Variants in AFF3 observed in about 807,000 individuals in gnomAD.
AFF3 encodes the protein AF4/FMR2 family member 3.
AFF3 carries 32 observed loss-of-function variants against 129.7 expected under a neutral mutation model. The ratio of observed to expected loss-of-function variants is 0.25; its 90% confidence interval spans 0.19 to 0.33. AFF3 has a LOEUF of 0.33. AFF3 is among the 10% of genes least tolerant of loss of function. AFF3 has a pLI of 1.00. For synonymous variants in AFF3, 644 were observed against 635.4 expected, an observed-to-expected ratio of 1.01 and a Z score of -0.20; for missense variants, 1,373 against 1,592.0, an observed-to-expected ratio of 0.86 and a Z score of 2.34.
At chr2:100,124,614 G>A (rs1178787301) in intron 2 of AFF3, among the ~76,000 whole-genome samples, 3 of 151,364 alleles carry the variant, frequency 2.0e-5, no homozygotes, top group African/African-American at 7.3e-5. Context: ...TTTACAACAT[G>A]GCAATTGCAT....
intron 8 of AFF3, 89 bp from the exon 9 acceptor site, chr2:99,752,390 C>T: frequency 9.3e-7 from 1 of 1,074,164 alleles, no homozygotes; most frequent in Admixed American, 2.0e-5. Context: ...AGTGGGCCTT[C>T]ATAAGGCAGG....
At chr2:99,950,999 C>A (rs570852910) in intron 7 of AFF3, among the ~76,000 whole-genome samples, 6 of 152,128 alleles carry the variant, frequency 3.9e-5, no homozygotes, top group Non-Finnish European at 7.3e-5. Flanking sequence ...TAATATGAAT[C>A]CACTGAAAAT....
intron 7 of AFF3, among the ~76,000 whole-genome samples, chr2:99,918,114 C>T (rs924605622): frequency 3.3e-5 from 5 of 152,094 alleles, no homozygotes; most frequent in Non-Finnish European, 7.4e-5. Context: ...AAGAAACTCT[C>T]TCGCTTATTA....
chr2:100,005,411 G>C (rs774745002), intron 7 of AFF3, among the ~76,000 whole-genome samples: 1 of 152,172 alleles, frequency 6.6e-6, no homozygotes. Context: ...GTAAAAGTCA[G>C]TCACCACTGC....
chr2:100,111,063 C>T (rs1691495110), intron 2 of AFF3, among the ~76,000 whole-genome samples: 1 of 152,188 alleles, frequency 6.6e-6, no homozygotes, highest in African/African-American at 2.4e-5. Flanking sequence ...CTAAAGTTGG[C>T]AAGTCTGAAG....
Position 99,986,970 on chromosome 2 carries a change from G to T in AFF3, c.873+19662C>A, listed in dbSNP as rs551349480. Among the ~76,000 whole-genome samples, 10 of 152,288 alleles carry T rather than the reference G, an allele frequency of 6.6e-5. No individual in the cohort carries two copies. The South Asian group carries it at 2.1e-3, about 32-fold the overall frequency. The stretch of plus-strand genomic sequence containing the variant: ...ATAAAACATGCAGGGTGCTCTACAG[G>T]CTCTTTCATCCTAGTTAGGTCTTTG... On this transcript the variant is annotated intron_variant, in intron 7 of 24. Coordinates refer to ENST00000672756, the MANE Select transcript of AFF3 (RefSeq NM_001386135.1).
At chr2:100,039,800 C>A (rs1451065361) in intron 4 of AFF3, among the ~76,000 whole-genome samples, 1 of 152,160 alleles carries the variant, frequency 6.6e-6, no homozygotes. Context: ...CTCTTGGAAA[C>A]AGTCCCTGAG....
At chr2:99,874,591 T>A (rs1290812696) in intron 7 of AFF3, among the ~76,000 whole-genome samples, 1 of 152,172 alleles carries the variant, frequency 6.6e-6, no homozygotes, top group Non-Finnish European at 1.5e-5. Flanking sequence ...AATAAAAACT[T>A]GTGTGATTTT....
chr2:99,779,151 T>C (rs941719538), intron 8 of AFF3, among the ~76,000 whole-genome samples: 2 of 152,154 alleles, frequency 1.3e-5, no homozygotes, highest in African/African-American at 4.8e-5. Context: ...TTAAGCATGA[T>C]GTTAGCTGTG....
chr2:100,123,639 A>G (rs1692070615), intron 2 of AFF3, among the ~76,000 whole-genome samples: 1 of 152,178 alleles, frequency 6.6e-6, no homozygotes, highest in East Asian at 1.9e-4. Context: ...AGGCCTCCTC[A>G]TTTTGACTCT....
At chr2:100,126,550 T>C (rs778965235) in intron 2 of AFF3, among the ~76,000 whole-genome samples, 2 of 152,204 alleles carry the variant, frequency 1.3e-5, no homozygotes, top group Non-Finnish European at 2.9e-5. Flanking sequence ...AGCAGTAATT[T>C]ACTCAATGAC....
intron 14 of AFF3, among the ~76,000 whole-genome samples, chr2:99,596,502 G>T (rs1457772840): frequency 6.6e-6 from 1 of 151,766 alleles, no homozygotes; most frequent in Non-Finnish European, 1.5e-5. Context: ...CTAGACAAAT[G>T]GGACACAGTA....
At chr2:100,045,865 T>C (rs1261989511) in intron 4 of AFF3, among the ~76,000 whole-genome samples, 2 of 152,232 alleles carry the variant, frequency 1.3e-5, no homozygotes, top group Non-Finnish European at 2.9e-5. Flanking sequence ...GTACATATAA[T>C]ACATGTAACA....
At chr2:100,140,491 G>A (rs13415595) in intron 1 of AFF3, among the ~76,000 whole-genome samples, 4,598 of 152,248 alleles carry the variant, frequency 0.03, 235 homozygotes, top group African/African-American at 0.1. Flanking sequence ...TCTGGAGATG[G>A]TCAGATCCCA....
intron 8 of AFF3, among the ~76,000 whole-genome samples, chr2:99,814,138 T>C (rs1687022660): frequency 1.3e-5 from 2 of 152,106 alleles, no homozygotes; most frequent in South Asian, 2.1e-4. Context: ...CTGTAGTATG[T>C]GGCATTTTTC....
chr2:99,767,146 C>T (rs1396738579), intron 8 of AFF3, among the ~76,000 whole-genome samples: 1 of 152,208 alleles, frequency 6.6e-6, no homozygotes, highest in Non-Finnish European at 1.5e-5. Context: ...CATTTAGACA[C>T]TCAGACTACT....
At chr2:100,057,963 T>C (rs969484163) in intron 4 of AFF3, among the ~76,000 whole-genome samples, 6 of 152,194 alleles carry the variant, frequency 3.9e-5, no homozygotes, top group East Asian at 3.8e-4. Context: ...AACTCTCAAA[T>C]AGCTTGAGTA....
At chr2:100,132,480 A>G (rs541174383) in intron 1 of AFF3, among the ~76,000 whole-genome samples, 134 of 152,364 alleles carry the variant, frequency 8.8e-4, no homozygotes, top group South Asian at 1.9e-3. Context: ...GAGAAAGATC[A>G]ATAAGATATA....
chr2:99,829,406 C>G lies in AFF3; in HGVS notation c.921+8071G>C, dbSNP rs1688346803. Among the ~76,000 whole-genome samples the G allele has an allele frequency of 2.6e-5, 4 of 152,250 alleles. 1 individual carries two copies. In the Middle Eastern group the frequency reaches 0.014, roughly 518 times the overall value. The stretch of plus-strand genomic sequence containing the variant: ...TACCCATCTGACAAAGGTCTAACAT[C>G]CAGAATCTACAAGGAACTGAAACGT... On this transcript the variant is annotated intron_variant, in intron 8 of 24. Transcript: ENST00000672756.
Sources: allele counts gnomAD v4.1 joint callset (sites outside exome capture counted in the v4.1 genomes callset), GRCh38; gene constraint gnomAD v4.1.1; transcripts MANE v1.5; gene names NCBI Gene and HGNC (gene_info 2026-07-23, HGNC 2026-07-21).